The following BTAF1 variants were observed in gnomAD, a reference collection of about 807,000 sequenced individuals.
BTAF1 encodes the protein B-TFIID TATA-box binding protein associated factor 1, also known as TATA-binding protein-associated factor 172.
In BTAF1, 38 loss-of-function variants were observed where a neutral mutation model predicts 227.1. That is an observed-to-expected ratio of 0.17 (90% CI 0.13 to 0.22). BTAF1 has a LOEUF of 0.22. Ranked by LOEUF, BTAF1 falls within the 10% of genes least tolerant of loss-of-function variation. The pLI is 1.00. For missense variants in BTAF1, 1,598 were observed against 2,204.0 expected, an observed-to-expected ratio of 0.73 and a Z score of 5.51; for synonymous variants, 742 against 751.9, an observed-to-expected ratio of 0.99 and a Z score of 0.21.
Position 91,942,420 on chromosome 10 carries a change from A to G in BTAF1, c.254-2A>G. 1.2e-6 allele frequency: 2 copies of G among 1,612,792 alleles called. No homozygotes were observed. The highest frequency in any genetic ancestry group is 1.3e-5 in the African/African-American group (1 of 74,988). ...AAATTAATATTTTTAAACCTCATGT[A>G]GAACCTACTTCCGAAAGTTCTATGG... On this transcript the variant is annotated splice_acceptor_variant, in intron 3 of 37. Coordinates refer to ENST00000265990, the MANE Select transcript of BTAF1 (RefSeq NM_003972.3). LOFTEE classifies it high-confidence loss of function.
intron 14 of BTAF1, among the ~76,000 whole-genome samples, chr10:91,972,678 T>C (rs1847388530): frequency 6.6e-6 from 1 of 152,206 alleles, no homozygotes; most frequent in Admixed American, 6.5e-5. Context: ...ATTGATTAAT[T>C]TATAGCTGTG....
intron 19 of BTAF1, among the ~76,000 whole-genome samples, chr10:91,984,815 T>C (rs1049859826): frequency 2.6e-5 from 4 of 152,186 alleles, no homozygotes; most frequent in African/African-American, 9.7e-5. Flanking sequence ...CAGCTAGATT[T>C]TATAGTTAAC....
At position 91,959,135 on chromosome 10, in the gene BTAF1, G is replaced by A; in HGVS notation, c.971G>A (p.Gly324Asp). ...CATGGGAAAAGTGGTGGTAAAATGG[G>A]TGACAGCACTTTAGAAGAGGTAAGT... Reference protein sequence around the residue: ...KAHGKSGGKMGDSTLEEMIQQ... With the variant: ...KAHGKSGGKMDDSTLEEMIQQ... Residue 324 changes from glycine (G) to aspartate (D), a missense_variant, in exon 9 of 38, where the codon GGT becomes GAT. This residue lies in a region of BTAF1 where 298 missense variants were observed against 395.2 expected (regional missense o/e 0.75). Transcript: ENST00000265990. 6.2e-7 allele frequency: 1 copy of A among 1,614,120 alleles called. No homozygotes were observed. Among genetic ancestry groups the A allele is most frequent in the Non-Finnish European group, 8.5e-7 (1 of 1,179,996 alleles).
chr10:92,005,157 A>G (rs1486410815), intron 25 of BTAF1, among the ~76,000 whole-genome samples: 2 of 152,186 alleles, frequency 1.3e-5, no homozygotes, highest in East Asian at 3.8e-4. Context: ...TTTTGAAATC[A>G]GGTAGCGTGA....
rs1160627066 is a variant in BTAF1, at chr10:91,923,833, T to C, written c.-244T>C. On this transcript the variant is annotated 5_prime_UTR_variant, in exon 1 of 38. Transcript: ENST00000265990. Reference sequence around the variant, plus strand: ...GCTGAGGGTACCCGGTTTGAAGTCGTGCGGGTCGGAGGACTGCCGCCTCCG... The same window carrying C: ...GCTGAGGGTACCCGGTTTGAAGTCGCGCGGGTCGGAGGACTGCCGCCTCCG... 2 of 436,506 alleles carry C rather than the reference T, an allele frequency of 4.6e-6. No homozygotes were observed. The highest frequency in any genetic ancestry group is 8.1e-6 in the Non-Finnish European group (2 of 246,282). The allele number at this position is 436,506 out of a possible 1,614,324, so 27.0% of individuals were successfully genotyped here.
chr10:91,999,747 T>G (rs1490568888), intron 25 of BTAF1, among the ~76,000 whole-genome samples: 1 of 152,148 alleles, frequency 6.6e-6, no homozygotes, highest in African/African-American at 2.4e-5. Flanking sequence ...CACATAATCA[T>G]GGATAGTAGA....
intron 8 of BTAF1, among the ~76,000 whole-genome samples, chr10:91,958,122 C>G (rs112039215): frequency 1.3e-5 from 2 of 151,168 alleles, no homozygotes; most frequent in African/African-American, 4.9e-5. Context: ...GATCTTGACT[C>G]TCTGCAACCT....
chr10:91,938,748 T>C (rs1033572499), intron 2 of BTAF1, among the ~76,000 whole-genome samples: 3 of 152,162 alleles, frequency 2.0e-5, no homozygotes, highest in Non-Finnish European at 2.9e-5. Flanking sequence ...CTCAAGAGAC[T>C]GAGACAGGAG....
At chr10:91,926,851 C>G (rs1295233292) in intron 1 of BTAF1, among the ~76,000 whole-genome samples, 3 of 152,290 alleles carry the variant, frequency 2.0e-5, no homozygotes, top group Admixed American at 2.0e-4. Flanking sequence ...TGAACATGAA[C>G]ATGGTAATCT....
In BTAF1 at chr10:91,924,127, T is replaced by G. The variant is rs754487690; in HGVS notation, c.14+37T>G. 2.5e-6 allele frequency: 4 copies of G among 1,604,556 alleles called. No individual in the cohort carries two copies. The Admixed American group carries it at 6.8e-5, about 27-fold the overall frequency. On this transcript the variant is annotated intron_variant, in intron 1 of 37. Transcript: ENST00000265990. ...TCCTGACGAGCAAACTGGAAGGCGA[T>G]TCAGGGAAGGCATGGTCTCCTCTTA...
intron 14 of BTAF1, among the ~76,000 whole-genome samples, chr10:91,973,920 A>AG (rs1343607997): frequency 4.0e-5 from 6 of 151,646 alleles, no homozygotes; most frequent in East Asian, 3.9e-4. Flanking sequence ...AAAAAAAAAA[A>AG]AAAGAAACTT....
intron 11 of BTAF1, among the ~76,000 whole-genome samples, chr10:91,960,932 A>G (rs1846467546): frequency 1.3e-5 from 2 of 152,240 alleles, no homozygotes; most frequent in South Asian, 2.1e-4. Context: ...TATTTCATAT[A>G]TAAATATATC....
chr10:91,926,640 C>T (rs1177059848), intron 1 of BTAF1, among the ~76,000 whole-genome samples: 3 of 152,204 alleles, frequency 2.0e-5, no homozygotes, highest in Non-Finnish European at 4.4e-5. Flanking sequence ...AAAATACACA[C>T]TCAACCCTAG....
At chr10:91,948,371 A>T (rs1845532642) in intron 4 of BTAF1, among the ~76,000 whole-genome samples, 1 of 19,884 alleles carries the variant, frequency 5.0e-5, no homozygotes. Context: ...TTTTAGAACT[A>T]TTTATTTATT....
At chr10:91,950,557 C>T (rs916133094) in intron 4 of BTAF1, among the ~76,000 whole-genome samples, 10 of 151,926 alleles carry the variant, frequency 6.6e-5, no homozygotes, top group Admixed American at 5.2e-4. Context: ...TTTAAATGCC[C>T]TTTGGTATGT....
Position 92,030,624 on chromosome 10 carries a change from A to G in BTAF1, c.*1691A>G, listed in dbSNP as rs1256442610. ...ACCATAAAAGTTAGTACTTTTTCCC[A>G]ATCTGAAATGTCAGATAGAGCTAGA... On this transcript the variant is annotated 3_prime_UTR_variant, in exon 38 of 38. Coordinates refer to ENST00000265990, the MANE Select transcript of BTAF1 (RefSeq NM_003972.3). Among the ~76,000 whole-genome samples, 3 of 150,766 alleles carry G rather than the reference A, an allele frequency of 2.0e-5. No individual in the cohort carries two copies. In the East Asian group the frequency reaches 5.8e-4, roughly 29 times the overall value.
chr10:91,982,536 AACTTT>A, intron 17 of BTAF1, 46 bp from the exon 18 acceptor site: 1 of 1,529,368 alleles, frequency 6.5e-7, no homozygotes, highest in South Asian at 1.3e-5. Flanking sequence ...AGTATGGGGA[AACTTT>A]ACTTCAAGTA....
At chr10:91,925,204 A>G (rs1021092526) in intron 1 of BTAF1, among the ~76,000 whole-genome samples, 1 of 152,146 alleles carries the variant, frequency 6.6e-6, no homozygotes, top group African/African-American at 2.4e-5. Context: ...TTATTTTATA[A>G]TCTATTCAAT....
At chr10:91,955,842 A>G (rs1198942796) in intron 6 of BTAF1, among the ~76,000 whole-genome samples, 2 of 152,200 alleles carry the variant, frequency 1.3e-5, no homozygotes, top group Non-Finnish European at 2.9e-5. Context: ...TTATCACCTT[A>G]TAGAAAAAAT....
Sources: gnomAD v4.1 joint callset for allele counts (sites outside exome capture counted in the v4.1 genomes callset) on GRCh38, gnomAD v4.1.1 for gene constraint, gnomAD v4.1.1 regional missense constraint, MANE v1.5 for transcripts, NCBI Gene and HGNC (gene_info 2026-07-23, HGNC 2026-07-21) for gene names.